ABITRAM: variants seen among roughly 807,000 people sequenced by gnomAD.
ABITRAM encodes protein Abitram.
Under a neutral mutation model 22.9 loss-of-function variants are expected in ABITRAM, and 19 were observed. That is an observed-to-expected ratio of 0.83 (90% CI 0.58 to 1.22). The LOEUF (loss-of-function observed/expected upper bound fraction) is 1.22, where lower values mean the gene tolerates loss of function less well. Ranked by LOEUF, ABITRAM falls within the 50% of genes most tolerant of loss-of-function variation. The pLI is 0.00. For synonymous variants in ABITRAM, 70 were observed against 73.9 expected (o/e 0.95, Z 0.27); for missense variants, 215 against 220.2 (o/e 0.98, Z 0.15).
intron 2 of ABITRAM, 92 bp downstream of exon 2, chr9:108,935,781 T>C: frequency 1.3e-6 from 1 of 785,504 alleles, no homozygotes; most frequent in South Asian, 1.5e-5. Context: ...TGAACAAATG[T>C]TCACTAAACA....
intron 3 of ABITRAM, 62 bp downstream of exon 3, chr9:108,936,499 T>A (rs1587934325): frequency 6.4e-7 from 1 of 1,552,220 alleles, no homozygotes; most frequent in Admixed American, 1.8e-5. Context: ...TAATGACAGA[T>A]CCAATGAACC....
At chr9:108,948,405 G>A (rs1830465947) in intron 3 of ABITRAM, among the ~76,000 whole-genome samples, 1 of 152,052 alleles carries the variant, frequency 6.6e-6, no homozygotes, top group African/African-American at 2.4e-5. Flanking sequence ...TTTAATATTT[G>A]ACAATTATTT....
At chr9:108,939,305 C>T in intron 4 of ABITRAM, 33 bp downstream of exon 4, 1 of 1,595,474 alleles carries the variant, frequency 6.3e-7, no homozygotes, top group Non-Finnish European at 8.5e-7. Context: ...TTTAGGAGAC[C>T]AAAGGGAGGT....
chr9:108,936,240 C>T, intron 2 of ABITRAM, 68 bp from the exon 3 acceptor site: 1 of 1,543,754 alleles, frequency 6.5e-7, no homozygotes, highest in Admixed American at 1.9e-5. Flanking sequence ...CATTCTTGTT[C>T]CAATAGGAGT....
chr9:108,950,518 T>C (rs759081739), exon 4 of ABITRAM: 2 of 1,550,146 alleles, frequency 1.3e-6, no homozygotes, highest in South Asian at 1.2e-5. Flanking sequence ...GAATTATCTA[T>C]CTAGAAAAGG....
At chr9:108,941,552 A>G (rs1460565272), downstream of ABITRAM, among the ~76,000 whole-genome samples, 1 of 152,202 alleles carries the variant, frequency 6.6e-6, no homozygotes, top group Non-Finnish European at 1.5e-5. Flanking sequence ...AGCTGAGTGC[A>G]TCACATTTTC....
At chr9:108,943,671 A>T (rs1830312971), downstream of ABITRAM, 2 of 1,569,458 alleles carry the variant, frequency 1.3e-6, no homozygotes, top group Admixed American at 1.8e-5. Context: ...ATAAAGATAG[A>T]TGTGTGAAAG....
At chr9:108,943,728 G>C (rs772470823), downstream of ABITRAM, 3 of 1,612,758 alleles carry the variant, frequency 1.9e-6, no homozygotes, top group South Asian at 3.3e-5. Context: ...ATTCTGCAAA[G>C]AAGTCTTAGT....
downstream of ABITRAM, chr9:108,944,144 G>A (rs1023864042): frequency 5.4e-6 from 5 of 922,584 alleles, no homozygotes; most frequent in African/African-American, 3.4e-5. Context: ...AGTCTGTCAG[G>A]AACTCCTAAA....
chr9:108,945,498 G>C (rs1167721931), downstream of ABITRAM, among the ~76,000 whole-genome samples: 1 of 123,782 alleles, frequency 8.1e-6, no homozygotes, highest in Non-Finnish European at 1.6e-5. Flanking sequence ...GTCTCACTCT[G>C]TTGTCCAGAG....
At chr9:108,945,366 G>A (rs147635848), downstream of ABITRAM, among the ~76,000 whole-genome samples, 7 of 151,860 alleles carry the variant, frequency 4.6e-5, no homozygotes, top group Admixed American at 3.3e-4. Context: ...TAAGTAAATC[G>A]CAGTTATACT....
chr9:108,939,524 G>A (rs1324472211), intron 5 of ABITRAM, 25 bp from the exon 6 acceptor site: 2 of 1,612,160 alleles, frequency 1.2e-6, no homozygotes, highest in Non-Finnish European at 1.7e-6. Flanking sequence ...TCGTTTGACA[G>A]TACTAAATGT....
Position 108,948,944 on chromosome 9 carries a change from G to A in ABITRAM, c.262-1563G>A, listed in dbSNP as rs148874829. On this transcript the variant is annotated intron_variant, in intron 3 of 3. Coordinates refer to the ABITRAM transcript ENST00000374624. ...TATCATTCCTGTTCTCCAGTAAACC[G>A]TCATGAAAATCAAATGAAATGATGA... 3.0e-3 allele frequency among the ~76,000 whole-genome samples: 452 copies of A among 151,948 alleles called. 3 individuals are homozygous for A. The highest frequency in any genetic ancestry group is 9.8e-3 in the African/African-American group (407 of 41,418).
chr9:108,938,691 G>GC (rs68061115), intron 3 of ABITRAM, among the ~76,000 whole-genome samples: 3 of 107,146 alleles, frequency 2.8e-5, no homozygotes, highest in East Asian at 2.6e-4. Flanking sequence ...GAATTACAAA[G>GC]GGGGGGGGGG....
At chr9:108,935,785 C>T in intron 2 of ABITRAM, 96 bp downstream of exon 2, 1 of 767,862 alleles carries the variant, frequency 1.3e-6, no homozygotes, top group African/African-American at 1.8e-5. Flanking sequence ...CAAATGTTCA[C>T]TAAACAAACA....
chr9:108,939,723 G>C lies in ABITRAM; in HGVS notation c.*37G>C. 6.2e-7 allele frequency: 1 copy of C among 1,609,370 alleles called. No homozygotes were observed. The highest frequency in any genetic ancestry group is 8.5e-7 in the Non-Finnish European group (1 of 1,177,532). On this transcript the variant is annotated 3_prime_UTR_variant, in exon 6 of 6. Transcript: ENST00000322940. ...GAACAAAAAGCAAAGTGGGATTCTTGTTACCTGGCCTAAACCATCAGGGTA... is the reference window on the plus strand; with the variant it reads ...GAACAAAAAGCAAAGTGGGATTCTTCTTACCTGGCCTAAACCATCAGGGTA...
chr9:108,948,853 C>G (rs1389316283), intron 3 of ABITRAM, among the ~76,000 whole-genome samples: 1 of 151,810 alleles, frequency 6.6e-6, no homozygotes, highest in Non-Finnish European at 1.5e-5. Flanking sequence ...GAGCAATGGA[C>G]TAGGGATAAG....
exon 4 of ABITRAM, chr9:108,950,588 T>C: frequency 1.3e-6 from 2 of 1,550,204 alleles, no homozygotes; most frequent in African/African-American, 1.4e-5. Flanking sequence ...TCTTCCCCAC[T>C]CTTAATCCTC....
intron 3 of ABITRAM, among the ~76,000 whole-genome samples, chr9:108,949,366 CTG>C (rs1425694075): frequency 6.6e-6 from 1 of 152,134 alleles, no homozygotes; most frequent in Non-Finnish European, 1.5e-5. Flanking sequence ...GCATGCCATC[CTG>C]AAATATTCTG....
Sources: gnomAD v4.1 joint callset for allele counts (sites outside exome capture counted in the v4.1 genomes callset) on GRCh38, gnomAD v4.1.1 for gene constraint, MANE v1.5 for transcripts, NCBI Gene and HGNC (gene_info 2026-07-23, HGNC 2026-07-21) for gene names.